The following ENPP3 variants were observed in gnomAD, a reference collection of about 807,000 sequenced individuals.
ENPP3 encodes the protein ectonucleotide pyrophosphatase/phosphodiesterase 3, also known as ectonucleotide pyrophosphatase/phosphodiesterase family member 3.
In ENPP3, 104 loss-of-function variants were observed where a neutral mutation model predicts 117.8. The observed-to-expected ratio is 0.88, with a 90% CI of 0.75 to 1.04. The LOEUF is 1.04. Ranked by LOEUF, ENPP3 falls within the 50% of genes least tolerant of loss-of-function variation. ENPP3 has a pLI of 0.00. For synonymous variants in ENPP3, 380 were observed against 349.9 expected, an observed-to-expected ratio of 1.09 and a Z score of -0.96; for missense variants, 1,026 against 1,051.9, an observed-to-expected ratio of 0.98 and a Z score of 0.34.
chr6:131,683,201 A>G lies in ENPP3; in HGVS notation c.1120+39A>G, dbSNP rs569778750. 33 of 1,068,964 alleles carry G rather than the reference A, an allele frequency of 3.1e-5. No individual in the cohort carries two copies. In the Admixed American group the frequency reaches 5.4e-4, roughly 18 times the overall value. The allele number at this position is 1,068,964 out of a possible 1,614,324, so 66.2% of individuals were successfully genotyped here. A position where few individuals can be genotyped will look rare whatever the true frequency, so the allele number is the denominator to read the frequency against. On this transcript the variant is annotated intron_variant, in intron 12 of 24. Transcript: ENST00000357639. ...AAACATTCTTATTTTATCATTGACT[A>G]TAATTTATCACTTCAGAAATCATAC...
At position 131,720,314 on chromosome 6, in the gene ENPP3, C is replaced by T; in HGVS notation, c.1502C>T (p.Pro501Leu). The change falls in exon 17 of 25, where the codon CCC becomes CTC. Residue 501 changes from proline to leucine, a missense_variant. Transcript: ENST00000357639. The stretch of plus-strand genomic sequence containing the variant: ...TAGGCTATCTTTCTGGCACATGGAC[C>T]CAGTTTTAAAGAGAAGACTGAAGTT... ...SMEAIFLAHG[P>L]SFKEKTEVEP... 1 of 1,594,866 alleles carries T rather than the reference C, an allele frequency of 6.3e-7. No individual in the cohort carries two copies.
At chr6:131,675,223 G>C (rs1310295405) in intron 9 of ENPP3, 34 bp downstream of exon 9, 1 of 1,251,828 alleles carries the variant, frequency 8.0e-7, no homozygotes, top group East Asian at 2.3e-5. Flanking sequence ...CTCCCAGCTA[G>C]GCAGAAATGA....
chr6:131,737,661 A>G (rs1250315970), intron 22 of ENPP3, among the ~76,000 whole-genome samples: 1 of 152,074 alleles, frequency 6.6e-6, no homozygotes, highest in Non-Finnish European at 1.5e-5. Flanking sequence ...TTAAGCCTTA[A>G]TTTGATTACT....
intron 15 of ENPP3, among the ~76,000 whole-genome samples, chr6:131,702,428 TTTG>T (rs1282375187): frequency 6.6e-6 from 1 of 152,150 alleles, no homozygotes; most frequent in Non-Finnish European, 1.5e-5. Context: ...AACATTATTT[TTTG>T]TTATTTACTT....
At chr6:131,722,606 G>T (rs1216740792) in intron 18 of ENPP3, among the ~76,000 whole-genome samples, 3 of 152,178 alleles carry the variant, frequency 2.0e-5, no homozygotes, top group Non-Finnish European at 4.4e-5. Context: ...AGGGAAATAT[G>T]CTTTATAAAC....
At chr6:131,743,278 A>T (rs1242753059) in intron 24 of ENPP3, among the ~76,000 whole-genome samples, 2 of 143,368 alleles carry the variant, frequency 1.4e-5, no homozygotes, top group African/African-American at 5.4e-5. Flanking sequence ...TTAGGAGGAT[A>T]TATGAGAAAT....
chr6:131,741,373 T>C (rs1168953234), intron 24 of ENPP3, among the ~76,000 whole-genome samples: 2 of 152,124 alleles, frequency 1.3e-5, no homozygotes, highest in Non-Finnish European at 2.9e-5. Context: ...AGTCAGTCAA[T>C]AATACAAGAA....
At chr6:131,729,949 T>C in intron 20 of ENPP3, among the ~76,000 whole-genome samples, 1 of 152,116 alleles carries the variant, frequency 6.6e-6, no homozygotes, top group East Asian at 1.9e-4. Context: ...GAGAACATGG[T>C]AAATATTTTG....
In ENPP3 at chr6:131,652,801, G is replaced by A. The variant is rs1438969013; in HGVS notation, c.404-30G>A. 10 of 1,602,204 alleles carry A rather than the reference G, an allele frequency of 6.2e-6. No homozygotes were observed. In the South Asian group the frequency reaches 9.9e-5, roughly 16 times the overall value. ...AGTTACTCTGTCTGTGCTGCAGCAA[G>A]TATCAAGATTTTGATCTTATGCTTT... On this transcript the variant is annotated intron_variant, in intron 4 of 24. Coordinates refer to ENST00000357639, the MANE Select transcript of ENPP3 (RefSeq NM_005021.5).
At chr6:131,724,211 C>T in intron 19 of ENPP3, 120 bp downstream of exon 19, 1 of 504,076 alleles carries the variant, frequency 2.0e-6, no homozygotes, top group Non-Finnish European at 3.1e-6. Context: ...GATTTTATTG[C>T]CAATATACAA....
At chr6:131,655,969 C>G (rs1367472284) in intron 5 of ENPP3, among the ~76,000 whole-genome samples, 2 of 152,200 alleles carry the variant, frequency 1.3e-5, no homozygotes, top group Non-Finnish European at 2.9e-5. Flanking sequence ...TGATTCTGCT[C>G]ACTATGAATA....
intron 15 of ENPP3, 113 bp downstream of exon 15, chr6:131,693,737 C>T (rs1265761676): frequency 1.1e-5 from 12 of 1,078,216 alleles, no homozygotes; most frequent in African/African-American, 1.6e-5. Context: ...TGAGCATTGA[C>T]ATTTTCTGGC....
At chr6:131,656,180 A>G (rs1411426493) in intron 5 of ENPP3, among the ~76,000 whole-genome samples, 1 of 152,180 alleles carries the variant, frequency 6.6e-6, no homozygotes, top group African/African-American at 2.4e-5. Flanking sequence ...CACCTTGGGT[A>G]AACTACCTGA....
intron 15 of ENPP3, chr6:131,700,804 C>T (rs532339492): frequency 7.1e-7 from 1 of 1,413,652 alleles, no homozygotes; most frequent in Non-Finnish European, 9.4e-7. Flanking sequence ...ATTGCTCCGG[C>T]CAAGACCATG....
At chr6:131,740,087 A>G (rs914444665) in intron 23 of ENPP3, 137 bp from the exon 24 acceptor site, 1 of 631,116 alleles carries the variant, frequency 1.6e-6, no homozygotes, top group African/African-American at 1.9e-5. Context: ...CCTAGCATAT[A>G]GTAAAATGCT....
At chr6:131,682,206 C>G (rs1363070445) in intron 11 of ENPP3, among the ~76,000 whole-genome samples, 1 of 152,050 alleles carries the variant, frequency 6.6e-6, no homozygotes, top group East Asian at 1.9e-4. Flanking sequence ...ATTTACTTTT[C>G]CTTGTGGCCA....
intron 5 of ENPP3, among the ~76,000 whole-genome samples, chr6:131,654,912 T>G (rs1302262950): frequency 1.3e-5 from 2 of 152,216 alleles, no homozygotes; most frequent in African/African-American, 4.8e-5. Flanking sequence ...GTTTGAGTCC[T>G]GATTTTGCCT....
intron 2 of ENPP3, among the ~76,000 whole-genome samples, chr6:131,641,799 GTTTTT>G (rs540011427): frequency 4.7e-5 from 3 of 64,062 alleles, no homozygotes; most frequent in East Asian, 7.5e-4. Context: ...CTCCACCCTG[GTTTTT>G]TTTTTTTTTT....
rs564157478 is a variant in ENPP3, at chr6:131,694,830, T to A, written c.1412+1206T>A. ...GCCTAGGCGACAGATCAAATTAGTA[T>A]TTGATTCCATCAAAAAAAAAAAAAA... On this transcript the variant is annotated intron_variant, in intron 15 of 24. Transcript: ENST00000357639. Among the ~76,000 whole-genome samples, 8 of 135,652 alleles carry A rather than the reference T, an allele frequency of 5.9e-5. No individual in the cohort carries two copies. The East Asian group carries it at 1.4e-3, about 24-fold the overall frequency. 89.0% of individuals were successfully genotyped at this position (135,652 alleles called of 152,430 possible).
Sources: allele counts gnomAD v4.1 joint callset (sites outside exome capture counted in the v4.1 genomes callset), GRCh38; gene constraint gnomAD v4.1.1; transcripts MANE v1.5; gene names NCBI Gene and HGNC (gene_info 2026-07-23, HGNC 2026-07-21).